The following SPIRE1 variants were observed in gnomAD, a reference collection of about 807,000 sequenced individuals.
The protein encoded by SPIRE1 is spire type actin nucleation factor 1.
A neutral mutation model predicts 94.1 loss-of-function variants in SPIRE1; 40 were observed. The observed-to-expected ratio is 0.43, with a 90% confidence interval of 0.33 to 0.55. The LOEUF is 0.55. Ranked by LOEUF, SPIRE1 falls within the 20% of genes least tolerant of loss-of-function variation. The probability of loss-of-function intolerance (pLI) is 0.06; values close to 1 mark genes in which losing one functional copy is unlikely to be tolerated. For synonymous variants in SPIRE1, 376 were observed against 371.7 expected (o/e 1.01, Z -0.13); for missense variants, 838 against 975.2 (o/e 0.86, Z 1.87).
chr18:12,641,073 G>A (rs1421803851), intron 1 of SPIRE1, among the ~76,000 whole-genome samples: 2 of 152,190 alleles, frequency 1.3e-5, no homozygotes, highest in South Asian at 2.1e-4. Context: ...GTGAAAAGGA[G>A]AGGGTTCATG....
At chr18:12,487,887 A>C (rs924287958) in intron 8 of SPIRE1, among the ~76,000 whole-genome samples, 4 of 152,202 alleles carry the variant, frequency 2.6e-5, no homozygotes, top group African/African-American at 9.6e-5. Context: ...CATGACAGCG[A>C]GGATTATCTA....
intron 16 of SPIRE1, chr18:12,451,026 G>A (rs2031212273): frequency 3.8e-6 from 2 of 528,486 alleles, no homozygotes; most frequent in Non-Finnish European, 6.8e-6. Flanking sequence ...GAAGAAGGAG[G>A]GGAGGAGGAG....
At chr18:12,658,231 C>A, upstream of SPIRE1, 1 of 512,694 alleles carries the variant, frequency 2.0e-6, no homozygotes, top group South Asian at 1.6e-5. Context: ...GAGGGCCTCG[C>A]CTCGAGGCGA....
chr18:12,598,239 TTC>T lies in SPIRE1; in HGVS notation c.372+36821_372+36822del, dbSNP rs1267316335. Among the ~76,000 whole-genome samples, 4 of 152,346 alleles carry T rather than the reference TTC, an allele frequency of 2.6e-5. No individual in the cohort carries two copies. The East Asian group carries it at 7.7e-4, about 29-fold the overall frequency. ...TCTCAAATCTAAAATTCTTTTTGAA[TTC>T]TGTCAGAAGAAATGATTCTTTCAAG... is the stretch of plus-strand genomic sequence containing the variant. On this transcript the variant is annotated intron_variant, in intron 2 of 16. Coordinates refer to ENST00000409402, the MANE Select transcript of SPIRE1 (RefSeq NM_001128626.2).
intron 2 of SPIRE1, among the ~76,000 whole-genome samples, chr18:12,563,645 C>T (rs2035746081): frequency 6.6e-6 from 1 of 152,086 alleles, no homozygotes; most frequent in African/African-American, 2.4e-5. Context: ...ATGTATTGTC[C>T]TTTTCCATGT....
At chr18:12,467,324 C>T (rs1170134541) in intron 10 of SPIRE1, among the ~76,000 whole-genome samples, 1 of 152,160 alleles carries the variant, frequency 6.6e-6, no homozygotes, top group Non-Finnish European at 1.5e-5. Flanking sequence ...ATAGTGACCT[C>T]CACACTTTTG....
chr18:12,581,198 G>A (rs1010044972), intron 2 of SPIRE1, among the ~76,000 whole-genome samples: 1 of 152,200 alleles, frequency 6.6e-6, no homozygotes, highest in Middle Eastern at 3.4e-3. Context: ...CACACCCCAC[G>A]TCATCAAAAG....
chr18:12,456,156 A>C (rs937501149), intron 12 of SPIRE1, among the ~76,000 whole-genome samples: 9 of 152,332 alleles, frequency 5.9e-5, no homozygotes, highest in South Asian at 2.1e-4. Flanking sequence ...TTGCTCTAAA[A>C]TGCCTAAAAT....
intron 2 of SPIRE1, among the ~76,000 whole-genome samples, chr18:12,603,933 C>T (rs552705296): frequency 6.6e-6 from 1 of 152,178 alleles, no homozygotes; most frequent in East Asian, 1.9e-4. Context: ...CCCTAAAAAC[C>T]CAAAGGGACT....
At chr18:12,614,980 G>A (rs921717833) in intron 2 of SPIRE1, among the ~76,000 whole-genome samples, 3 of 151,888 alleles carry the variant, frequency 2.0e-5, no homozygotes, top group Non-Finnish European at 4.4e-5. Context: ...CCTGAGCTCA[G>A]GAGTTCGAGA....
At chr18:12,461,451 T>C (rs950378891) in intron 12 of SPIRE1, among the ~76,000 whole-genome samples, 2 of 138,608 alleles carry the variant, frequency 1.4e-5, no homozygotes, top group East Asian at 2.1e-4. Context: ...TACATACATG[T>C]GTGTATGTAT....
At chr18:12,515,781 C>T (rs996683872) in intron 4 of SPIRE1, among the ~76,000 whole-genome samples, 1 of 152,170 alleles carries the variant, frequency 6.6e-6, no homozygotes. Flanking sequence ...GTACAAAGAT[C>T]AGGCCTCCTT....
intron 8 of SPIRE1, among the ~76,000 whole-genome samples, chr18:12,487,310 C>A (rs2033072629): frequency 6.6e-6 from 1 of 151,868 alleles, no homozygotes; most frequent in Admixed American, 6.6e-5. Flanking sequence ...AAGTTTGGTA[C>A]TATCCATGGT....
At chr18:12,589,077 C>T (rs2036461858) in intron 2 of SPIRE1, among the ~76,000 whole-genome samples, 1 of 152,154 alleles carries the variant, frequency 6.6e-6, no homozygotes, top group African/African-American at 2.4e-5. Context: ...TAGCTGACAT[C>T]TACTGAGCTT....
At chr18:12,546,585 A>G in intron 3 of SPIRE1, 89 bp downstream of exon 3, 2 of 994,804 alleles carry the variant, frequency 2.0e-6, no homozygotes, top group Non-Finnish European at 3.1e-6. Context: ...TGGGCGACAG[A>G]GTGAGACCAT....
intron 4 of SPIRE1, among the ~76,000 whole-genome samples, chr18:12,522,165 A>G (rs375392220): frequency 1.0e-3 from 156 of 152,344 alleles, no homozygotes; most frequent in African/African-American, 3.2e-3. Context: ...AATGCAAAGG[A>G]CAAGCTCTTA....
intron 2 of SPIRE1, among the ~76,000 whole-genome samples, chr18:12,549,402 TTTTTTGTTTTGC>T (rs1480190195): frequency 1.7e-5 from 2 of 117,012 alleles, no homozygotes; most frequent in African/African-American, 6.8e-5. Flanking sequence ...CTCCCCTTCT[TTTTTTGTTTTGC>T]TTTTTGTTTG....
chr18:12,593,905 G>A (rs1335634516), intron 2 of SPIRE1, among the ~76,000 whole-genome samples: 4 of 151,570 alleles, frequency 2.6e-5, no homozygotes, highest in African/African-American at 7.3e-5. Flanking sequence ...TTGAGATTGC[G>A]CACCACTGCA....
At chr18:12,562,516 T>C (rs1057345973) in intron 2 of SPIRE1, among the ~76,000 whole-genome samples, 1 of 148,696 alleles carries the variant, frequency 6.7e-6, no homozygotes, top group African/African-American at 2.4e-5. Context: ...TATTATTTTA[T>C]GTTCCAGGAT....
Sources: allele counts gnomAD v4.1 joint callset (sites outside exome capture counted in the v4.1 genomes callset), GRCh38; gene constraint gnomAD v4.1.1; transcripts MANE v1.5; gene names NCBI Gene and HGNC (gene_info 2026-07-23, HGNC 2026-07-21).